POU3F3: variants seen among roughly 807,000 people sequenced by gnomAD.
POU3F3 encodes POU domain, class 3, transcription factor 3.
POU3F3 carries 1 observed loss-of-function variant against 8.6 expected under a neutral mutation model. That is an observed-to-expected ratio of 0.12 (90% CI 0.04 to 0.55). POU3F3 has a LOEUF of 0.55. Ranked by LOEUF, POU3F3 falls within the 20% of genes least tolerant of loss-of-function variation. The pLI, the probability that POU3F3 is intolerant of heterozygous loss-of-function variation, is 0.91. For synonymous variants in POU3F3, 418 were observed against 327.4 expected (o/e 1.28, Z -2.99); for missense variants, 577 against 690.7 (o/e 0.84, Z 1.84).
the POU3F3 span, chr2:104,868,371 A>G: frequency 2.2e-6 from 1 of 456,752 alleles, no homozygotes; most frequent in Non-Finnish European, 4.4e-6. Flanking sequence ...CCGCCGACAA[A>G]GTGGGTGGTG....
At chr2:104,863,818 CAGA>C in the POU3F3 span, among the ~76,000 whole-genome samples, 1 of 152,186 alleles carries the variant, frequency 6.6e-6, no homozygotes, top group African/African-American at 2.4e-5. Context: ...CATGTGCGGG[CAGA>C]AGAAGTCAGA....
the POU3F3 span, among the ~76,000 whole-genome samples, chr2:104,868,750 C>A: frequency 3.3e-5 from 5 of 152,150 alleles, no homozygotes; most frequent in African/African-American, 1.2e-4. Flanking sequence ...ACACAAGCCC[C>A]CACCCCTGGT....
At chr2:104,860,540 C>A (rs1247081387), downstream of POU3F3, among the ~76,000 whole-genome samples, 3 of 152,036 alleles carry the variant, frequency 2.0e-5, no homozygotes, top group African/African-American at 4.8e-5. Context: ...TCCAACCCCC[C>A]CTCCCCTTCC....
chr2:104,876,923 G>A, the POU3F3 span, among the ~76,000 whole-genome samples: 1 of 152,178 alleles, frequency 6.6e-6, no homozygotes, highest in Non-Finnish European at 1.5e-5. Flanking sequence ...GAAGGGGATT[G>A]GGAACACCCA....
At chr2:104,900,975 C>T in the POU3F3 span, among the ~76,000 whole-genome samples, 3 of 152,214 alleles carry the variant, frequency 2.0e-5, no homozygotes, top group African/African-American at 7.2e-5. Context: ...CCCCTGGTTG[C>T]CTGCTCCACT....
At chr2:104,878,976 A>C in the POU3F3 span, among the ~76,000 whole-genome samples, 1 of 151,908 alleles carries the variant, frequency 6.6e-6, no homozygotes, top group African/African-American at 2.4e-5. Context: ...ACACTCACAC[A>C]ACACGGCACA....
the POU3F3 span, among the ~76,000 whole-genome samples, chr2:104,887,573 ATTG>A: frequency 1.3e-5 from 2 of 152,308 alleles, no homozygotes; most frequent in South Asian, 4.1e-4. Context: ...GGAATTGCTG[ATTG>A]TCCCCAGCCC....
chr2:104,894,839 C>A, the POU3F3 span, among the ~76,000 whole-genome samples: 1 of 152,206 alleles, frequency 6.6e-6, no homozygotes, highest in Admixed American at 6.5e-5. Flanking sequence ...AGCCCTGATC[C>A]CTGCACCCAC....
chr2:104,927,583 C>T, the POU3F3 span, among the ~76,000 whole-genome samples: 1 of 151,980 alleles, frequency 6.6e-6, no homozygotes, highest in East Asian at 1.9e-4. Context: ...AGTGAGGCAT[C>T]TATCTCTAGA....
chr2:104,891,701 G>C, the POU3F3 span, among the ~76,000 whole-genome samples: 3 of 152,332 alleles, frequency 2.0e-5, no homozygotes, highest in South Asian at 6.2e-4. Flanking sequence ...TTCCATCACG[G>C]AATTTCTGTT....
the POU3F3 span, among the ~76,000 whole-genome samples, chr2:104,874,303 C>T: frequency 6.6e-6 from 1 of 152,186 alleles, no homozygotes; most frequent in Non-Finnish European, 1.5e-5. Context: ...AGGACAAAGG[C>T]ACCGGAGGGA....
At chr2:104,871,647 A>T in the POU3F3 span, among the ~76,000 whole-genome samples, 17 of 152,310 alleles carry the variant, frequency 1.1e-4, no homozygotes, top group South Asian at 3.5e-3. Context: ...ATTTGCAGAC[A>T]TGTGTCTCAC....
the POU3F3 span, among the ~76,000 whole-genome samples, chr2:104,864,312 A>G: frequency 6.6e-6 from 1 of 152,310 alleles, no homozygotes; most frequent in East Asian, 1.9e-4. Flanking sequence ...GAAACCCCAG[A>G]TTAATCCCCA....
At chr2:104,922,392 CAAAA>C in the POU3F3 span, among the ~76,000 whole-genome samples, 1 of 71,042 alleles carries the variant, frequency 1.4e-5, no homozygotes, top group Non-Finnish European at 2.8e-5. Context: ...TGAAGATGCT[CAAAA>C]AAAAAAAAAA....
the POU3F3 span, among the ~76,000 whole-genome samples, chr2:104,894,660 C>T: frequency 6.6e-6 from 1 of 151,754 alleles, no homozygotes; most frequent in Non-Finnish European, 1.5e-5. Flanking sequence ...GGACAGAATT[C>T]AAAAAACACA....
rs1169845414 is a variant in POU3F3, at chr2:104,855,322, AGGC to A, written c.-180_-178del. Among the ~76,000 whole-genome samples the A allele has an allele frequency of 3.0e-5, 3 of 100,298 alleles. No individual in the cohort carries two copies. The highest frequency in any genetic ancestry group is 3.1e-4 in the East Asian group (1 of 3,182). The allele number at this position is 100,298 out of a possible 152,430, so 65.8% of individuals were successfully genotyped here. A position where few individuals can be genotyped will look rare whatever the true frequency, so the allele number is the denominator to read the frequency against. ...GCGGCGGCGGCGGCGGCGGGGGCGG[AGGC>A]GGCGGCGGAGGAGGAGGCGGCGAAG... On this transcript the variant is annotated 5_prime_UTR_variant, in exon 1 of 1. Transcript: ENST00000361360.
the POU3F3 span, among the ~76,000 whole-genome samples, chr2:104,896,367 C>T: frequency 6.6e-6 from 1 of 152,186 alleles, no homozygotes; most frequent in East Asian, 1.9e-4. Context: ...TGAGGCCAGA[C>T]TGGGATCTAA....
the POU3F3 span, among the ~76,000 whole-genome samples, chr2:104,882,682 T>C: frequency 1.3e-5 from 2 of 152,194 alleles, no homozygotes; most frequent in African/African-American, 2.4e-5. Context: ...ATCTCAAACA[T>C]TGATGGTCAG....
the POU3F3 span, among the ~76,000 whole-genome samples, chr2:104,878,520 A>T: frequency 2.6e-5 from 4 of 152,234 alleles, no homozygotes; most frequent in African/African-American, 9.6e-5. Flanking sequence ...ATTCCACATT[A>T]TGCTTTTGTG....
Sources: allele counts gnomAD v4.1 joint callset (sites outside exome capture counted in the v4.1 genomes callset), GRCh38; gene constraint gnomAD v4.1.1; transcripts MANE v1.5; gene names NCBI Gene and HGNC (gene_info 2026-07-23, HGNC 2026-07-21).